OTOGL: variants seen among roughly 807,000 people sequenced by gnomAD.
OTOGL encodes the protein otogelin-like protein.
In OTOGL, 285 loss-of-function variants were observed where a neutral mutation model predicts 318.5. The ratio of observed to expected loss-of-function variants is 0.89; its 90% CI spans 0.81 to 0.99. The LOEUF (loss-of-function observed/expected upper bound fraction) is 0.99, where lower values mean the gene tolerates loss of function less well. Ranked by LOEUF, OTOGL falls within the 50% of genes least tolerant of loss-of-function variation. The pLI, the probability that OTOGL is intolerant of heterozygous loss-of-function variation, is 0.00. For missense variants in OTOGL, 2,899 were observed against 2,845.6 expected (o/e 1.02, Z -0.43); for synonymous variants, 987 against 936.5 (o/e 1.05, Z -0.99).
intron 4 of OTOGL, among the ~76,000 whole-genome samples, chr12:80,213,605 A>G (rs911978890): frequency 2.0e-5 from 3 of 152,178 alleles, no homozygotes; most frequent in Non-Finnish European, 2.9e-5. Flanking sequence ...TATTTTTCTT[A>G]AAAAGAGTGT....
At chr12:80,125,975 C>G (rs1002045239) in intron 1 of OTOGL, among the ~76,000 whole-genome samples, 1 of 152,028 alleles carries the variant, frequency 6.6e-6, no homozygotes, top group East Asian at 1.9e-4. Flanking sequence ...TTTTGTTGAT[C>G]TTTTCAAAAA....
chr12:80,156,201 A>G (rs944527867), intron 1 of OTOGL, among the ~76,000 whole-genome samples: 1 of 152,342 alleles, frequency 6.6e-6, no homozygotes, highest in Middle Eastern at 3.4e-3. Flanking sequence ...GAATGGAAGC[A>G]GGCAGAAGAA....
chr12:80,179,164 G>C (rs921901762), intron 1 of OTOGL, among the ~76,000 whole-genome samples: 1 of 152,186 alleles, frequency 6.6e-6, no homozygotes, highest in Admixed American at 6.5e-5. Flanking sequence ...TGAACTTCCT[G>C]CTGGGGCCAA....
chr12:80,355,221 TTTCTTTTC>T (rs1204503219), intron 46 of OTOGL, among the ~76,000 whole-genome samples: 62 of 55,136 alleles, frequency 1.1e-3, no homozygotes, highest in East Asian at 4.5e-3. Flanking sequence ...TCTTTCTTTC[TTTCTTTTC>T]TTTTTTTTTT....
intron 1 of OTOGL, among the ~76,000 whole-genome samples, chr12:80,175,741 T>C (rs1874485704): frequency 6.6e-6 from 1 of 152,156 alleles, no homozygotes; most frequent in African/African-American, 2.4e-5. Context: ...ATGAAACCAG[T>C]ATCAAGGTTA....
At chr12:80,175,609 C>T (rs767083011) in intron 1 of OTOGL, among the ~76,000 whole-genome samples, 5 of 152,080 alleles carry the variant, frequency 3.3e-5, no homozygotes, top group Non-Finnish European at 7.4e-5. Flanking sequence ...TTTCATGCAT[C>T]CTCAGGTTCT....
At chr12:80,125,418 T>C (rs1870761177) in intron 1 of OTOGL, among the ~76,000 whole-genome samples, 1 of 152,228 alleles carries the variant, frequency 6.6e-6, no homozygotes, top group South Asian at 2.1e-4. Flanking sequence ...AGCTTTTTGA[T>C]GTGCTGCTGG....
chr12:80,281,599 GTA>G (rs1884241570), intron 26 of OTOGL, among the ~76,000 whole-genome samples: 2 of 151,928 alleles, frequency 1.3e-5, no homozygotes, highest in Admixed American at 1.3e-4. Context: ...CAGTTTGCTA[GTA>G]TTTTGTTGAG....
At chr12:80,249,042 T>C (rs1472774021) in intron 11 of OTOGL, among the ~76,000 whole-genome samples, 1 of 146,286 alleles carries the variant, frequency 6.8e-6, no homozygotes, top group Non-Finnish European at 1.5e-5. Context: ...TTCTCTGTAT[T>C]GGTTATTCTA....
chr12:80,178,055 T>C (rs1283752520), intron 1 of OTOGL, among the ~76,000 whole-genome samples: 1 of 141,356 alleles, frequency 7.1e-6, no homozygotes, highest in Non-Finnish European at 1.5e-5. Flanking sequence ...CTTTCTTTCT[T>C]TCTTTCTTTT....
chr12:80,261,926 G>T, intron 18 of OTOGL, 43 bp from the exon 19 acceptor site: 2 of 1,590,000 alleles, frequency 1.3e-6, no homozygotes, highest in South Asian at 2.3e-5. Context: ...ATGAACAAAT[G>T]AATGAGAGAT....
intron 38 of OTOGL, among the ~76,000 whole-genome samples, chr12:80,333,697 G>A (rs866881281): frequency 6.6e-6 from 1 of 152,106 alleles, no homozygotes; most frequent in Non-Finnish European, 1.5e-5. Flanking sequence ...TATATAAAAT[G>A]TCAGAGGTGC....
intron 1 of OTOGL, among the ~76,000 whole-genome samples, chr12:80,187,255 G>A (rs1875355697): frequency 6.6e-6 from 1 of 151,842 alleles, no homozygotes; most frequent in Non-Finnish European, 1.5e-5. Context: ...CAAGTGGCCA[G>A]GTTGTTTTTG....
chr12:80,217,327 G>T (rs1302595309), intron 4 of OTOGL, among the ~76,000 whole-genome samples: 1 of 152,130 alleles, frequency 6.6e-6, no homozygotes, highest in Non-Finnish European at 1.5e-5. Context: ...GATGGGAAGT[G>T]AGAACAGAAC....
chr12:80,135,246 GCCCCTCCCCTCCCCTCCCCTCCCCT>G (rs1330253864), intron 1 of OTOGL, among the ~76,000 whole-genome samples: 1 of 62,494 alleles, frequency 1.6e-5, no homozygotes, highest in Admixed American at 1.5e-4. Flanking sequence ...TATTTCTTGA[GCCCCTCCCCTCCCCTCCCCTCCCCT>G]CCCCTCCCCT....
Position 80,255,064 on chromosome 12 carries a change from C to G in OTOGL, c.1466C>G (p.Ser489Cys). The change falls in exon 16 of 59, where the codon TCT becomes TGT. Residue 489 changes from serine to cysteine, a missense_variant. Physicochemically the swap from Ser to Cys is moderately radical, Grantham distance 112. Transcript: ENST00000547103. The stretch of plus-strand genomic sequence containing the variant: ...GTTCAATGCTCAGTTGTAGGTGATT[C>G]TCACTTTACAACTTTTGATGGTCGA... ...CPVQCSVVGD[S>C]HFTTFDGRHY... 2 of 1,490,134 alleles carry G rather than the reference C, an allele frequency of 1.3e-6. No homozygotes were observed. Among genetic ancestry groups the G allele is most frequent in the Non-Finnish European group, 1.8e-6 (2 of 1,123,140 alleles). The allele number at this position is 1,490,134 out of a possible 1,614,324, so 92.3% of individuals were successfully genotyped here.
intron 1 of OTOGL, among the ~76,000 whole-genome samples, chr12:80,130,790 T>A (rs1384352397): frequency 2.6e-5 from 4 of 152,222 alleles, no homozygotes; most frequent in Non-Finnish European, 5.9e-5. Flanking sequence ...ATCACATGAA[T>A]CTAACAATTT....
rs145101629 is a variant in OTOGL, at chr12:80,154,181, C to T, written c.-20+54576C>T. On this transcript the variant is annotated intron_variant, in intron 1 of 58. Transcript: ENST00000547103. Reference sequence around the variant, plus strand: ...AAAATTAGCCAGGCATGGTGGCTCACGCCTGTAGTCCCAGCTACTCGGGAG... The same window carrying T: ...AAAATTAGCCAGGCATGGTGGCTCATGCCTGTAGTCCCAGCTACTCGGGAG... Among the ~76,000 whole-genome samples, 486 of 152,094 alleles carry T rather than the reference C, an allele frequency of 3.2e-3. 4 individuals carry two copies. The highest frequency in any genetic ancestry group is 9.8e-3 in the African/African-American group (407 of 41,494).
At chr12:80,188,267 C>T (rs1008429428) in intron 1 of OTOGL, among the ~76,000 whole-genome samples, 1 of 151,926 alleles carries the variant, frequency 6.6e-6, no homozygotes, top group African/African-American at 2.4e-5. Flanking sequence ...AAGAGGTGAG[C>T]GGTGGTTCAT....
Sources: allele counts gnomAD v4.1 joint callset (sites outside exome capture counted in the v4.1 genomes callset), GRCh38; gene constraint gnomAD v4.1.1; transcripts MANE v1.5; gene names NCBI Gene and HGNC (gene_info 2026-07-23, HGNC 2026-07-21).